Variants in MELTF observed in about 807,000 individuals in gnomAD.
MELTF encodes melanotransferrin, also known as antigen p97 (melanoma associated) identified by monoclonal antibodies 133.2 and 96.5.
A neutral mutation model predicts 83.7 loss-of-function variants in MELTF; 67 were observed. That is an observed-to-expected ratio of 0.80 (90% CI 0.66 to 0.98). The LOEUF (loss-of-function observed/expected upper bound fraction) is 0.98, where lower values mean the gene tolerates loss of function less well. Ranked by LOEUF, MELTF falls within the 50% of genes least tolerant of loss-of-function variation. MELTF has a pLI of 0.00. For missense variants in MELTF, 1,002 were observed against 1,035.6 expected (o/e 0.97, Z 0.44); for synonymous variants, 462 against 447.6 (o/e 1.03, Z -0.41).
In MELTF at chr3:197,006,476, G is replaced by C. The variant is rs1297048501; in HGVS notation, c.1938+73C>G. On this transcript the variant is annotated intron_variant, in intron 14 of 15. Coordinates refer to ENST00000296350, the MANE Select transcript of MELTF (RefSeq NM_005929.6). This position sits in a 1 kb window ranked among gnomAD's most constrained non-coding sequence, Gnocchi z 5.4. The stretch of plus-strand genomic sequence containing the variant: ...TTTCTCTAGAGGTCTGCTCCAGGTA[G>C]ACTGAGGCCTCCCAGGGGCTCAGCT... 4 of 1,395,786 alleles carry C rather than the reference G, an allele frequency of 2.9e-6. No individual in the cohort carries two copies. The highest frequency in any genetic ancestry group is 1.5e-5 in the African/African-American group (1 of 68,724). 86.5% of individuals were successfully genotyped at this position (1,395,786 alleles called of 1,614,324 possible). A position where few individuals can be genotyped will look rare whatever the true frequency, so the allele number is the denominator to read the frequency against.
intron 14 of MELTF, chr3:197,004,300 C>T (rs950948484): frequency 1.0e-4 from 60 of 602,658 alleles, no homozygotes; most frequent in African/African-American, 5.9e-4. Flanking sequence ...ACACTAGGCC[C>T]GCAGGTGCCA....
intron 6 of MELTF, among the ~76,000 whole-genome samples, 183 bp from the exon 7 acceptor site, chr3:197,017,473 G>A (rs566636989): frequency 6.6e-6 from 1 of 152,312 alleles, no homozygotes; most frequent in African/African-American, 2.4e-5. Context: ...ACTCTATCTC[G>A]TTACTCTCAT....
At chr3:197,018,716 A>G (rs374532876) in intron 6 of MELTF, among the ~76,000 whole-genome samples, 103 of 152,308 alleles carry the variant, frequency 6.8e-4, no homozygotes, top group African/African-American at 2.4e-3. Context: ...AAGTGCTGGG[A>G]TTACAGGCGT....
chr3:197,029,417 C>T lies in MELTF; in HGVS notation c.49+237G>A. ...CCTCAGCCCGCGCTTCTCCTTGGAGCGTCGGAAGCCTCGGGTGTTCGAGGC... is the reference window on the plus strand; with the variant it reads ...CCTCAGCCCGCGCTTCTCCTTGGAGTGTCGGAAGCCTCGGGTGTTCGAGGC... On this transcript the variant is annotated intron_variant, in intron 1 of 15. Transcript: ENST00000296350. The surrounding 1 kb of genome is among the most constrained non-coding windows in gnomAD (Gnocchi z 6.5). The T allele has an allele frequency of 2.6e-6, 1 of 386,154 alleles. No homozygotes were observed. Among genetic ancestry groups the T allele is most frequent in the Non-Finnish European group, 4.6e-6 (1 of 218,936 alleles). 23.9% of individuals were successfully genotyped at this position (386,154 alleles called of 1,614,324 possible).
chr3:197,017,809 G>A (rs1351277869), intron 6 of MELTF, among the ~76,000 whole-genome samples: 1 of 152,104 alleles, frequency 6.6e-6, no homozygotes, highest in African/African-American at 2.4e-5. Flanking sequence ...CCTGGGAGGC[G>A]GAGCTTGCAG....
At chr3:197,015,913 C>T (rs886836966) in intron 8 of MELTF, among the ~76,000 whole-genome samples, 7 of 152,070 alleles carry the variant, frequency 4.6e-5, no homozygotes, top group African/African-American at 9.7e-5. Context: ...ATGCCATGGC[C>T]GTGGATGGGG....
rs757713230 is a variant in MELTF at position 197,004,044 on chromosome 3, T to C, written c.1994A>G (p.Asn665Ser). 6.2e-7 allele frequency: 1 copy of C among 1,614,168 alleles called. No homozygotes were observed. Among genetic ancestry groups the C allele is most frequent in the Non-Finnish European group, 8.5e-7 (1 of 1,180,030 alleles). The change falls in exon 15 of 16, where the codon AAC becomes AGC. Residue 665 changes from asparagine to serine, a missense_variant. Coordinates refer to ENST00000296350, the MANE Select transcript of MELTF (RefSeq NM_005929.6). ...GAAAAGCAGGTCTTGGCCATGATAG[T>C]TGGAGGAGTCGAACATTTTGAACCC... ...KNGFKMFDSS[N>S]YHGQDLLFKD... is the part of the protein sequence containing the mutation.
intron 8 of MELTF, among the ~76,000 whole-genome samples, chr3:197,015,966 T>C (rs780027526): frequency 1.3e-5 from 2 of 151,998 alleles, no homozygotes; most frequent in Non-Finnish European, 2.9e-5. Context: ...ATGGTCTGCA[T>C]CCTCCCCCGC....
rs1055260613 is a variant in MELTF at position 197,006,947 on chromosome 3, T to C, written c.1751-211A>G. Among the ~76,000 whole-genome samples, 1 of 152,132 alleles carries C rather than the reference T, an allele frequency of 6.6e-6. No individual in the cohort carries two copies. The highest frequency in any genetic ancestry group is 1.5e-5 in the Non-Finnish European group (1 of 68,012). On this transcript the variant is annotated intron_variant, in intron 13 of 15. Transcript: ENST00000296350. This position sits in a 1 kb window ranked among gnomAD's most constrained non-coding sequence, Gnocchi z 5.4. Reference sequence around the variant, plus strand: ...TCATGCCATTAGCAGGAGCTGCCATTAATTAGCAGGGAGTAGGGAGTACCT... The same window carrying C: ...TCATGCCATTAGCAGGAGCTGCCATCAATTAGCAGGGAGTAGGGAGTACCT...
rs1049829674 is a variant in MELTF, at chr3:197,003,199, C to T, written c.*173G>A. On this transcript the variant is annotated 3_prime_UTR_variant, in exon 16 of 16. Coordinates refer to ENST00000296350, the MANE Select transcript of MELTF (RefSeq NM_005929.6). This position sits in a 1 kb window ranked among gnomAD's most constrained non-coding sequence, Gnocchi z 6.2. ...AAGGGCCGCGCGGGCCCGGGGGCGG[C>T]GCCTCAGGTAGCAGCGCCAGGTGGC... is the stretch of plus-strand genomic sequence containing the variant. 9.8e-5 allele frequency: 66 copies of T among 675,906 alleles called. No individual in the cohort carries two copies. The highest frequency in any genetic ancestry group is 3.6e-4 in the East Asian group (3 of 8,366). The allele number at this position is 675,906 out of a possible 1,614,324, so 41.9% of individuals were successfully genotyped here.
intron 2 of MELTF, among the ~76,000 whole-genome samples, chr3:197,027,475 C>T (rs983274533): frequency 2.0e-5 from 3 of 152,250 alleles, no homozygotes; most frequent in Admixed American, 2.0e-4. Flanking sequence ...GAGGGGCCGC[C>T]ACCATCTGGG....
chr3:197,025,364 C>A (rs1322635357), intron 3 of MELTF, among the ~76,000 whole-genome samples: 1 of 152,236 alleles, frequency 6.6e-6, no homozygotes. Flanking sequence ...TCTGACTCAC[C>A]CGCCTTGTTT....
At chr3:197,028,214 G>T in intron 1 of MELTF, 1 of 353,072 alleles carries the variant, frequency 2.8e-6, no homozygotes, top group South Asian at 6.1e-5. Context: ...CCTGGTGGGA[G>T]CACTGGCTAG....
rs555180935 is a variant in MELTF at position 197,017,615 on chromosome 3, C to A, written c.713-325G>T. Among the ~76,000 whole-genome samples the A allele has an allele frequency of 1.8e-4, 27 of 152,352 alleles. No individual in the cohort carries two copies. In the East Asian group the frequency reaches 4.2e-3, roughly 24 times the overall value. ...AAGGCTGGCCGGGCGTGGTGGCTCACGCCTGTAATCCCAGCACTTTGGGAG... is the reference window on the plus strand; with the variant it reads ...AAGGCTGGCCGGGCGTGGTGGCTCAAGCCTGTAATCCCAGCACTTTGGGAG... On this transcript the variant is annotated intron_variant, in intron 6 of 15. Coordinates refer to ENST00000296350, the MANE Select transcript of MELTF (RefSeq NM_005929.6).
rs1487519978 is a variant in MELTF at position 197,006,807 on chromosome 3, C to T, written c.1751-71G>A. ...GAGAAGTGTAAAGAGAAGCTGCTAT[C>T]CTGGGACCCCAAGGCCTTCACCACA... is the stretch of plus-strand genomic sequence containing the variant. On this transcript the variant is annotated intron_variant, in intron 13 of 15. Coordinates refer to ENST00000296350, the MANE Select transcript of MELTF (RefSeq NM_005929.6). The surrounding 1 kb of genome is among the most constrained non-coding windows in gnomAD (Gnocchi z 5.4). 6.4e-5 allele frequency: 87 copies of T among 1,369,672 alleles called. No individual in the cohort carries two copies. Among genetic ancestry groups the T allele is most frequent in the Non-Finnish European group, 8.0e-5 (84 of 1,048,042 alleles). 84.8% of individuals were successfully genotyped at this position (1,369,672 alleles called of 1,614,324 possible).
rs1297828640 is a variant in MELTF at position 197,024,253 on chromosome 3, G to GT, written c.487+49_487+50insA. The GT allele has an allele frequency of 4.6e-6, 7 of 1,508,222 alleles. No homozygotes were observed. Among genetic ancestry groups the GT allele is most frequent in the Non-Finnish European group, 6.2e-6 (7 of 1,124,372 alleles). 93.4% of individuals were successfully genotyped at this position (1,508,222 alleles called of 1,614,324 possible). On this transcript the variant is annotated intron_variant, in intron 4 of 15. Coordinates refer to ENST00000296350, the MANE Select transcript of MELTF (RefSeq NM_005929.6). This position sits in a 1 kb window ranked among gnomAD's most constrained non-coding sequence, Gnocchi z 5.3. Reference sequence around the variant, plus strand: ...AGTGAAGGGACGAGCATGGGCCAAGGAAAGGAGGGGGAGGCCTGGGGACCC... The same window carrying GT: ...AGTGAAGGGACGAGCATGGGCCAAGGTAAAGGAGGGGGAGGCCTGGGGACCC...
Position 197,008,579 on chromosome 3 carries a change from G to C in MELTF, c.1750+78C>G. On this transcript the variant is annotated intron_variant, in intron 13 of 15. Transcript: ENST00000296350. This position sits in a 1 kb window ranked among gnomAD's most constrained non-coding sequence, Gnocchi z 5.4. ...TGAGCTGCTGCTTGGCCCCAGCCCAGCATGGTGTCTGGATGGTGCTGAAGA... is the reference window on the plus strand; with the variant it reads ...TGAGCTGCTGCTTGGCCCCAGCCCACCATGGTGTCTGGATGGTGCTGAAGA... The C allele has an allele frequency of 6.7e-7, 1 of 1,493,284 alleles. No individual in the cohort carries two copies. Among genetic ancestry groups the C allele is most frequent in the Non-Finnish European group, 9.2e-7 (1 of 1,089,624 alleles). 92.5% of individuals were successfully genotyped at this position (1,493,284 alleles called of 1,614,324 possible). A position where few individuals can be genotyped will look rare whatever the true frequency, so the allele number is the denominator to read the frequency against.
chr3:197,028,882 G>T (rs3773847), intron 1 of MELTF: 11,017 of 152,492 alleles, frequency 0.072, 833 homozygotes, highest in African/African-American at 0.19. Context: ...TGAAGCTTCC[G>T]CCACAGCCCT....
At chr3:197,018,964 A>G (rs1719510883) in intron 6 of MELTF, 2 of 985,400 alleles carry the variant, frequency 2.0e-6, no homozygotes, top group Non-Finnish European at 2.4e-6. Context: ...CCCACATAAC[A>G]ATATTTTTAT....
Sources: gnomAD v4.1 joint callset for allele counts (sites outside exome capture counted in the v4.1 genomes callset) on GRCh38, gnomAD v4.1.1 for gene constraint, Gnocchi (gnomAD v3.1) non-coding constraint, MANE v1.5 for transcripts, NCBI Gene and HGNC (gene_info 2026-07-23, HGNC 2026-07-21) for gene names.